The following CNTNAP5 variants were observed in gnomAD, a reference collection of about 807,000 sequenced individuals.
CNTNAP5 encodes contactin-associated protein-like 5.
In CNTNAP5, 72 loss-of-function variants were observed where a neutral mutation model predicts 150.2. The observed-to-expected ratio is 0.48, with a 90% CI of 0.40 to 0.58. CNTNAP5 has a LOEUF of 0.58. CNTNAP5 is among the 20% of genes least tolerant of loss of function. CNTNAP5 has a pLI of 0.00. For synonymous variants in CNTNAP5, 672 were observed against 619.8 expected (o/e 1.08, Z -1.25); for missense variants, 1,636 against 1,626.2 (o/e 1.01, Z -0.10).
At chr2:124,469,999 A>G (rs954937866) in intron 6 of CNTNAP5, among the ~76,000 whole-genome samples, 1 of 152,108 alleles carries the variant, frequency 6.6e-6, no homozygotes, top group Non-Finnish European at 1.5e-5. Flanking sequence ...TGTAGATTCC[A>G]TGTGTTTGCT....
At chr2:124,433,586 A>G (rs1692446749) in intron 4 of CNTNAP5, among the ~76,000 whole-genome samples, 1 of 152,080 alleles carries the variant, frequency 6.6e-6, no homozygotes, top group Non-Finnish European at 1.5e-5. Flanking sequence ...AATCACCACA[A>G]TCCCACCCAC....
chr2:124,311,579 G>A (rs1688833612), intron 3 of CNTNAP5, among the ~76,000 whole-genome samples: 1 of 152,196 alleles, frequency 6.6e-6, no homozygotes, highest in South Asian at 2.1e-4. Context: ...TTCACATTGG[G>A]GGCTAAGGTT....
At chr2:124,225,990 C>T (rs563965715) in intron 2 of CNTNAP5, among the ~76,000 whole-genome samples, 1 of 152,152 alleles carries the variant, frequency 6.6e-6, no homozygotes, top group South Asian at 2.1e-4. Context: ...TGTATAAATG[C>T]CACAATTTTT....
At chr2:124,415,724 A>G (rs1272114989) in intron 3 of CNTNAP5, among the ~76,000 whole-genome samples, 2 of 152,182 alleles carry the variant, frequency 1.3e-5, no homozygotes, top group African/African-American at 2.4e-5. Flanking sequence ...AAGATGAGGT[A>G]TGATTGGGAT....
chr2:124,634,780 A>G (rs563991037), intron 12 of CNTNAP5, among the ~76,000 whole-genome samples: 1 of 152,300 alleles, frequency 6.6e-6, no homozygotes, highest in African/African-American at 2.4e-5. Context: ...TTAGGATTAC[A>G]GATGTGAGCC....
intron 1 of CNTNAP5, among the ~76,000 whole-genome samples, chr2:124,142,484 C>T (rs1684140674): frequency 6.7e-6 from 1 of 148,724 alleles, no homozygotes; most frequent in South Asian, 2.2e-4. Flanking sequence ...GATTAAGAAT[C>T]TCACTCAAAG....
chr2:124,212,734 C>T (rs1201937751), intron 1 of CNTNAP5, among the ~76,000 whole-genome samples: 2 of 150,908 alleles, frequency 1.3e-5, no homozygotes, highest in African/African-American at 4.9e-5. Context: ...TACTCCTGAA[C>T]TTGGTCTTAC....
chr2:124,810,145 T>C (rs1226906217), intron 19 of CNTNAP5, among the ~76,000 whole-genome samples: 3 of 152,176 alleles, frequency 2.0e-5, no homozygotes, highest in Non-Finnish European at 4.4e-5. Context: ...TATGCATGCA[T>C]TCATTATCTG....
At chr2:124,705,003 A>G (rs13034811) in intron 13 of CNTNAP5, among the ~76,000 whole-genome samples, 24,708 of 151,436 alleles carry the variant, frequency 0.16, 2,271 homozygotes, top group East Asian at 0.24. Flanking sequence ...CCCATGCCCA[A>G]TCTCCCTCAG....
intron 3 of CNTNAP5, among the ~76,000 whole-genome samples, chr2:124,336,620 C>T (rs891665836): frequency 1.8e-4 from 26 of 146,940 alleles, no homozygotes; most frequent in Non-Finnish European, 2.4e-4. Context: ...TGAGAACACG[C>T]AGTGTTTGGT....
At chr2:124,578,632 C>T (rs1696347480) in intron 11 of CNTNAP5, among the ~76,000 whole-genome samples, 1 of 152,016 alleles carries the variant, frequency 6.6e-6, no homozygotes, top group African/African-American at 2.4e-5. Context: ...ATTAGCCAAG[C>T]ACGGTGGTGC....
chr2:124,407,196 A>G (rs1462843244), intron 3 of CNTNAP5, among the ~76,000 whole-genome samples: 2 of 152,162 alleles, frequency 1.3e-5, no homozygotes, highest in Non-Finnish European at 2.9e-5. Flanking sequence ...TCCTTTTGAT[A>G]CATTTTCACT....
chr2:124,142,811 GA>G (rs1234700510), intron 1 of CNTNAP5, among the ~76,000 whole-genome samples: 1 of 150,314 alleles, frequency 6.7e-6, no homozygotes, highest in East Asian at 2.0e-4. Context: ...GAAGGAAATA[GA>G]GACACAAAAA....
chr2:124,888,026 G>A (rs766810410), intron 21 of CNTNAP5, among the ~76,000 whole-genome samples: 1 of 152,000 alleles, frequency 6.6e-6, no homozygotes, highest in Non-Finnish European at 1.5e-5. Flanking sequence ...TGGGTATATT[G>A]CATGATGCTC....
chr2:124,713,252 T>A lies in CNTNAP5; in HGVS notation c.2078-33977T>A, dbSNP rs1017278200. Among the ~76,000 whole-genome samples, 23 of 112,260 alleles carry A rather than the reference T, an allele frequency of 2.0e-4. 2 individuals are homozygous for A. Among genetic ancestry groups the A allele is most frequent in the Admixed American group, 7.3e-4 (8 of 10,992 alleles). The allele number at this position is 112,260 out of a possible 152,430, so 73.6% of individuals were successfully genotyped here. A position where few individuals can be genotyped will look rare whatever the true frequency, so the allele number is the denominator to read the frequency against. On this transcript the variant is annotated intron_variant, in intron 13 of 23. Coordinates refer to ENST00000682447, the MANE Select transcript of CNTNAP5 (RefSeq NM_001367498.1). ...CTTTCTTTCTTTCTTTCTCTTTCTT[T>A]CTTTCTTTCTTTCTTTCTTTCTTTC...
At chr2:124,441,900 A>G (rs954680466) in intron 5 of CNTNAP5, among the ~76,000 whole-genome samples, 12 of 151,680 alleles carry the variant, frequency 7.9e-5, no homozygotes, top group Non-Finnish European at 5.9e-5. Flanking sequence ...GAACAATGTA[A>G]ACAAGGAGCA....
chr2:124,774,141 A>G (rs1681270032), intron 17 of CNTNAP5, among the ~76,000 whole-genome samples: 1 of 152,106 alleles, frequency 6.6e-6, no homozygotes, highest in South Asian at 2.1e-4. Flanking sequence ...AGATGTTTAG[A>G]ACAGTGATGT....
At chr2:124,521,407 C>T (rs1694843255) in intron 8 of CNTNAP5, among the ~76,000 whole-genome samples, 1 of 152,140 alleles carries the variant, frequency 6.6e-6, no homozygotes, top group South Asian at 2.1e-4. Context: ...AAGAAAACCA[C>T]CAACCAAGCA....
chr2:124,874,392 G>C (rs1170198672), intron 21 of CNTNAP5, among the ~76,000 whole-genome samples: 1 of 152,050 alleles, frequency 6.6e-6, no homozygotes, highest in Admixed American at 6.6e-5. Flanking sequence ...CAAACATAGT[G>C]TGCTTTATCA....
Sources: allele counts gnomAD v4.1 joint callset (sites outside exome capture counted in the v4.1 genomes callset), GRCh38; gene constraint gnomAD v4.1.1; transcripts MANE v1.5; gene names NCBI Gene and HGNC (gene_info 2026-07-23, HGNC 2026-07-21).